Variants in SHC4 observed in about 807,000 individuals in gnomAD.
The protein encoded by SHC4 is SHC-transforming protein 4.
Under a neutral mutation model 69.4 loss-of-function variants are expected in SHC4, and 41 were observed. The observed-to-expected ratio is 0.59, with a 90% confidence interval of 0.46 to 0.77. SHC4 has a LOEUF of 0.77. Among genes scored for constraint, SHC4 ranks in the 30% least tolerant of loss-of-function variants. The pLI is 0.00. For missense variants in SHC4, 777 were observed against 783.8 expected (o/e 0.99, Z 0.10); for synonymous variants, 318 against 299.3 (o/e 1.06, Z -0.64).
At position 48,884,283 on chromosome 15, in the gene SHC4, A is replaced by G. The variant is rs746867285; in HGVS notation, c.805T>C (p.Cys269Arg). 8 of 1,611,020 alleles carry G rather than the reference A, an allele frequency of 5.0e-6. No individual in the cohort carries two copies. Among genetic ancestry groups the G allele is most frequent in the Middle Eastern group, 3.3e-4 (2 of 6,054 alleles). ...GMNIKLTIST[C>R]SLTLMNLDNQ... The stretch of plus-strand genomic sequence containing the variant: ...TCAAGATTCATCAATGTGAGACTGC[A>G]TGTTGAGATGGTCAGTTTTATATTC... The change falls in exon 4 of 12, where the codon TGC becomes CGC. Residue 269 changes from cysteine to arginine, a missense_variant. Physicochemically the swap from Cys to Arg is radical, Grantham distance 180. Transcript: ENST00000332408.
chr15:48,879,851 ACTTT>A (rs1267859726), intron 4 of SHC4: 1 of 167,026 alleles, frequency 6.0e-6, no homozygotes, highest in Non-Finnish European at 1.5e-5. Context: ...TCTGTATACT[ACTTT>A]CTATTGTATG....
chr15:48,846,463 A>G (rs1899094558), intron 9 of SHC4, among the ~76,000 whole-genome samples: 1 of 152,182 alleles, frequency 6.6e-6, no homozygotes, highest in Non-Finnish European at 1.5e-5. Context: ...TTACAGCAAT[A>G]TGCTCCCCCT....
In SHC4 at chr15:48,925,089, T is replaced by G. The variant is rs995579921; in HGVS notation, c.586-140A>C. ...ATTTGCACCCTCTGCCTACAACTGT[T>G]ATTTCTGACTGTTAATGGACACATG... On this transcript the variant is annotated intron_variant, in intron 1 of 11. Coordinates refer to ENST00000332408, the MANE Select transcript of SHC4 (RefSeq NM_203349.4). The G allele has an allele frequency of 9.0e-6, 7 of 775,444 alleles. No individual in the cohort carries two copies. The African/African-American group carries it at 1.2e-4, about 14-fold the overall frequency. The allele number at this position is 775,444 out of a possible 1,614,324, so 48.0% of individuals were successfully genotyped here.
chr15:48,926,794 G>T (rs1900861681), intron 1 of SHC4, among the ~76,000 whole-genome samples: 1 of 152,146 alleles, frequency 6.6e-6, no homozygotes, highest in Admixed American at 6.5e-5. Context: ...GATTGTGCAG[G>T]TAGAACTCCT....
At chr15:48,899,340 A>G (rs1226524590) in intron 2 of SHC4, among the ~76,000 whole-genome samples, 1 of 152,150 alleles carries the variant, frequency 6.6e-6, no homozygotes, top group African/African-American at 2.4e-5. Context: ...GGTGGTGCAC[A>G]TCTGTAATCC....
At chr15:48,894,274 T>C (rs569085415) in intron 2 of SHC4, among the ~76,000 whole-genome samples, 13 of 152,316 alleles carry the variant, frequency 8.5e-5, no homozygotes, top group African/African-American at 3.1e-4. Context: ...AGGTGCTTTT[T>C]TTGTGGTTTG....
At chr15:48,844,609 T>C (rs952899165) in intron 9 of SHC4, among the ~76,000 whole-genome samples, 1 of 152,178 alleles carries the variant, frequency 6.6e-6, no homozygotes, top group Admixed American at 6.5e-5. Flanking sequence ...TCCTAGCAGT[T>C]TGCACTTGAC....
intron 6 of SHC4, among the ~76,000 whole-genome samples, chr15:48,867,138 A>G (rs1182849146): frequency 6.6e-6 from 1 of 152,228 alleles, no homozygotes; most frequent in African/African-American, 2.4e-5. Context: ...AACAAGTGCA[A>G]TATGTGAGTA....
At chr15:48,915,676 G>T (rs908321369) in intron 2 of SHC4, among the ~76,000 whole-genome samples, 13 of 152,154 alleles carry the variant, frequency 8.5e-5, no homozygotes, top group African/African-American at 2.9e-4. Flanking sequence ...CTTGACCCTT[G>T]GACAGCAGAC....
chr15:48,851,054 ACAGT>A (rs1484315392), intron 9 of SHC4, 130 bp downstream of exon 9: 2 of 748,350 alleles, frequency 2.7e-6, no homozygotes, highest in Admixed American at 5.5e-5. Context: ...TGAGAAGCCT[ACAGT>A]CAAAGGATTA....
In SHC4 at chr15:48,890,921, T is replaced by G. The variant is rs552886994; in HGVS notation, c.657-110A>C. 16 of 1,113,948 alleles carry G rather than the reference T, an allele frequency of 1.4e-5. No homozygotes were observed. In the African/African-American group the frequency reaches 2.2e-4, roughly 15 times the overall value. 69.0% of individuals were successfully genotyped at this position (1,113,948 alleles called of 1,614,324 possible). A position where few individuals can be genotyped will look rare whatever the true frequency, so the allele number is the denominator to read the frequency against. ...ACCAAAAAGTACACATACATAATAG[T>G]GAGTCTAACACAAATGGTATTCTCC... On this transcript the variant is annotated intron_variant, in intron 2 of 11. Coordinates refer to ENST00000332408, the MANE Select transcript of SHC4 (RefSeq NM_203349.4).
At chr15:48,959,149 T>C (rs1311067178) in intron 1 of SHC4, among the ~76,000 whole-genome samples, 1 of 152,202 alleles carries the variant, frequency 6.6e-6, no homozygotes. Flanking sequence ...AGAGAAAATA[T>C]GCAAGAAAAC....
chr15:48,838,515 T>C (rs1057120068), intron 10 of SHC4, among the ~76,000 whole-genome samples: 1 of 152,222 alleles, frequency 6.6e-6, no homozygotes, highest in African/African-American at 2.4e-5. Context: ...ACAAAGTACC[T>C]GAACATTTGG....
At chr15:48,837,945 A>G (rs532348045) in intron 10 of SHC4, among the ~76,000 whole-genome samples, 3 of 152,226 alleles carry the variant, frequency 2.0e-5, no homozygotes, top group African/African-American at 7.2e-5. Flanking sequence ...AAAGAAACCA[A>G]TATGAACTAT....
intron 3 of SHC4, among the ~76,000 whole-genome samples, chr15:48,888,978 A>C (rs2141004932): frequency 6.6e-6 from 1 of 152,246 alleles, no homozygotes; most frequent in African/African-American, 2.4e-5. Context: ...AAAAAGCCTA[A>C]AGTGCTGGAA....
intron 2 of SHC4, among the ~76,000 whole-genome samples, chr15:48,894,638 T>C (rs7179960): frequency 2.4e-3 from 363 of 152,306 alleles, no homozygotes; most frequent in African/African-American, 8.6e-3. Context: ...GTTTTTTAAG[T>C]AGAGTTACCT....
chr15:48,890,850 C>T, intron 2 of SHC4, 39 bp from the exon 3 acceptor site: 2 of 1,599,068 alleles, frequency 1.3e-6, no homozygotes, highest in Non-Finnish European at 8.6e-7. Context: ...ACTTAGCATA[C>T]TACCTCCACA....
At chr15:48,878,931 G>A in intron 4 of SHC4, 5 of 507,466 alleles carry the variant, frequency 9.9e-6, no homozygotes, top group African/African-American at 1.9e-5. Context: ...TAAAGAAAAA[G>A]AAAAAAGATT....
At chr15:48,927,755 A>C (rs4303430) in intron 1 of SHC4, among the ~76,000 whole-genome samples, 1 of 151,834 alleles carries the variant, frequency 6.6e-6, no homozygotes, top group South Asian at 2.1e-4. Context: ...TCTCCTACAC[A>C]GTTCTGCAGG....
Sources: gnomAD v4.1 joint callset for allele counts (sites outside exome capture counted in the v4.1 genomes callset) on GRCh38, gnomAD v4.1.1 for gene constraint, MANE v1.5 for transcripts, NCBI Gene and HGNC (gene_info 2026-07-23, HGNC 2026-07-21) for gene names.